The following SF3B1 variants were observed in gnomAD, a reference collection of about 807,000 sequenced individuals.
SF3B1 encodes the protein splicing factor 3b subunit 1, also known as pre-mRNA processing 10.
Under a neutral mutation model 153.8 loss-of-function variants are expected in SF3B1, and 12 were observed. The ratio of observed to expected loss-of-function variants is 0.08; its 90% CI spans 0.05 to 0.13. The LOEUF is 0.13. SF3B1 is among the 10% of genes least tolerant of loss of function. The pLI is 1.00. For missense variants in SF3B1, 513 were observed against 1,606.1 expected (o/e 0.32, Z 11.63); for synonymous variants, 498 against 525.2 (o/e 0.95, Z 0.71).
At chr2:197,431,946 G>A (rs1302935421) in intron 1 of SF3B1, among the ~76,000 whole-genome samples, 2 of 151,892 alleles carry the variant, frequency 1.3e-5, no homozygotes, top group African/African-American at 4.8e-5. Flanking sequence ...AACATAGCGA[G>A]ACCCCATCTC....
intron 1 of SF3B1, among the ~76,000 whole-genome samples, chr2:197,434,503 A>C (rs981952096): frequency 4.6e-5 from 7 of 152,248 alleles, no homozygotes; most frequent in African/African-American, 1.7e-4. Context: ...GCTTGAAGAC[A>C]CACAAGGGTA....
At chr2:197,406,340 G>A (rs959880769) in intron 9 of SF3B1, among the ~76,000 whole-genome samples, 1 of 151,922 alleles carries the variant, frequency 6.6e-6, no homozygotes, top group African/African-American at 2.4e-5. Context: ...AAATTGTTTT[G>A]TCTATTAAAG....
At chr2:197,429,475 C>T (rs937884521) in intron 1 of SF3B1, among the ~76,000 whole-genome samples, 6 of 151,852 alleles carry the variant, frequency 4.0e-5, no homozygotes, top group Admixed American at 3.3e-4. Flanking sequence ...GTTTTTGTGT[C>T]AAGACAGGTT....
chr2:197,420,941 G>A, intron 3 of SF3B1, 88 bp downstream of exon 3: 1 of 778,602 alleles, frequency 1.3e-6, no homozygotes, highest in Non-Finnish European at 2.1e-6. Context: ...TATCCTTAAA[G>A]CATCCTAAAA....
At chr2:197,420,336 A>AT in intron 4 of SF3B1, 92 bp downstream of exon 4, 2 of 936,690 alleles carry the variant, frequency 2.1e-6, no homozygotes, top group Non-Finnish European at 3.4e-6. Flanking sequence ...AGAAAAGCAA[A>AT]TTCAGAAGCA....
At chr2:197,429,040 G>C (rs565917223) in intron 1 of SF3B1, among the ~76,000 whole-genome samples, 1 of 151,682 alleles carries the variant, frequency 6.6e-6, no homozygotes, top group Non-Finnish European at 1.5e-5. Context: ...TGAGTAACCA[G>C]AGGTCAAAAA....
intron 4 of SF3B1, chr2:197,418,862 A>G: frequency 6.4e-7 from 1 of 1,561,702 alleles, no homozygotes; most frequent in Non-Finnish European, 8.7e-7. Context: ...TTCAGAAGTG[A>G]TGGGTTCCTG....
intron 5 of SF3B1, among the ~76,000 whole-genome samples, chr2:197,417,115 A>G (rs1388620830): frequency 6.6e-6 from 1 of 152,188 alleles, no homozygotes; most frequent in Non-Finnish European, 1.5e-5. Context: ...AACAAAAGAT[A>G]AGCAAGTTCA....
At chr2:197,406,552 T>C (rs547278823) in intron 9 of SF3B1, among the ~76,000 whole-genome samples, 39 of 152,190 alleles carry the variant, frequency 2.6e-4, no homozygotes, top group Non-Finnish European at 4.7e-4. Flanking sequence ...TATATTTTTA[T>C]ATTCACTAGT....
At chr2:197,426,679 T>C (rs2085341880) in intron 1 of SF3B1, among the ~76,000 whole-genome samples, 1 of 152,122 alleles carries the variant, frequency 6.6e-6, no homozygotes, top group Admixed American at 6.5e-5. Flanking sequence ...GAACCTTAGG[T>C]CTTGGATACA....
Position 197,400,806 on chromosome 2 carries a change from A to G in SF3B1, c.2627T>C (p.Met876Thr). 6.2e-7 allele frequency: 1 copy of G among 1,612,886 alleles called. No individual in the cohort carries two copies. The highest frequency in any genetic ancestry group is 8.5e-7 in the Non-Finnish European group (1 of 1,179,072). ...KMVMETIEKI[M>T]GNLGAADIDH... is the part of the protein sequence containing the mutation. ...AATATCTGCTGCTCCCAAATTACCC[A>G]TAATTTTCTCAATTGTCTCCATCAC... Residue 876 changes from methionine to threonine, a missense_variant, in exon 18 of 25, where the codon ATG becomes ACG. By Grantham distance (81) the Met-to-Thr change is moderately conservative (BLOSUM62 -1). This residue lies in a region of SF3B1 where 14 missense variants were observed against 17.4 expected (regional missense o/e 0.80). Transcript: ENST00000335508. The surrounding 1 kb of genome is among the most constrained non-coding windows in gnomAD (Gnocchi z 5.0).
intron 1 of SF3B1, among the ~76,000 whole-genome samples, chr2:197,426,915 A>G (rs541446991): frequency 1.3e-5 from 2 of 152,276 alleles, no homozygotes; most frequent in South Asian, 4.1e-4. Flanking sequence ...CACTACACAT[A>G]TTGTGCAACT....
intron 23 of SF3B1, among the ~76,000 whole-genome samples, chr2:197,393,697 C>T (rs981431230): frequency 4.0e-5 from 6 of 151,854 alleles, no homozygotes; most frequent in Non-Finnish European, 5.9e-5. Context: ...GTGATCTGCC[C>T]GCCTCAGCCT....
At position 197,400,509 on chromosome 2, in the gene SF3B1, C is replaced by T; in HGVS notation, c.2719-75G>A. On this transcript the variant is annotated intron_variant, in intron 18 of 24. Coordinates refer to ENST00000335508, the MANE Select transcript of SF3B1 (RefSeq NM_012433.4). The surrounding 1 kb of genome is among the most constrained non-coding windows in gnomAD (Gnocchi z 5.0). Reference sequence around the variant, plus strand: ...ACAGTTGAAATACACTAAGAGTCAACCTTTTCTAACCACCCAAACATCTGT... The same window carrying T: ...ACAGTTGAAATACACTAAGAGTCAATCTTTTCTAACCACCCAAACATCTGT... The T allele has an allele frequency of 7.9e-7, 1 of 1,266,800 alleles. No individual in the cohort carries two copies. Among genetic ancestry groups the T allele is most frequent in the Non-Finnish European group, 1.1e-6 (1 of 912,880 alleles). The allele number at this position is 1,266,800 out of a possible 1,614,324, so 78.5% of individuals were successfully genotyped here. A position where few individuals can be genotyped will look rare whatever the true frequency, so the allele number is the denominator to read the frequency against.
At chr2:197,422,071 A>T (rs1424909859) in intron 2 of SF3B1, among the ~76,000 whole-genome samples, 1 of 152,190 alleles carries the variant, frequency 6.6e-6, no homozygotes, top group African/African-American at 2.4e-5. Flanking sequence ...GTAATTCTCC[A>T]GATCTTAACA....
intron 1 of SF3B1, among the ~76,000 whole-genome samples, chr2:197,434,101 T>C (rs2085484410): frequency 6.6e-6 from 1 of 152,152 alleles, no homozygotes; most frequent in Non-Finnish European, 1.5e-5. Flanking sequence ...AAAGAACATA[T>C]GAAACAAAAG....
chr2:197,405,320 A>G lies in SF3B1; in HGVS notation c.1392T>C (p.Leu464=), dbSNP rs199851411. Residue 464 remains leucine, a synonymous_variant, in exon 10 of 25, where the codon CTT becomes CTC. Transcript: ENST00000335508. The part of the protein sequence containing the change: ...KSVNDQPSGN[L]PFLKPDDIQY... The stretch of plus-strand genomic sequence containing the variant: ...GAATATCATCAGGTTTTAAAAATGG[A>G]AGATTTCCAGATGGCTGGTCATTAA... 2 of 1,614,058 alleles carry G rather than the reference A, an allele frequency of 1.2e-6. No individual in the cohort carries two copies. Among genetic ancestry groups the G allele is most frequent in the Non-Finnish European group, 1.7e-6 (2 of 1,179,960 alleles).
At chr2:197,426,291 T>A (rs2085336106) in intron 1 of SF3B1, among the ~76,000 whole-genome samples, 1 of 151,956 alleles carries the variant, frequency 6.6e-6, no homozygotes, top group Admixed American at 6.6e-5. Context: ...CCTTCGGGCA[T>A]CTTCTTTTCT....
At chr2:197,392,570 TG>T (rs10686140) in intron 24 of SF3B1, 109 bp from the exon 25 acceptor site, 438 of 145,456 alleles carry the variant, frequency 3.0e-3, no homozygotes, top group South Asian at 9.1e-3. Context: ...CTTGGGGAGT[TG>T]GGGGGGGGGG....
Sources: allele counts gnomAD v4.1 joint callset (sites outside exome capture counted in the v4.1 genomes callset), GRCh38; gene constraint gnomAD v4.1.1; regional missense constraint gnomAD v4.1.1; non-coding constraint Gnocchi (gnomAD v3.1); transcripts MANE v1.5; gene names NCBI Gene and HGNC (gene_info 2026-07-23, HGNC 2026-07-21).